The following FNDC1 variants were observed in gnomAD, a reference collection of about 807,000 sequenced individuals.
FNDC1 encodes fibronectin type III domain-containing protein 1.
In FNDC1, 96 loss-of-function variants were observed where a neutral mutation model predicts 168.0. That is an observed-to-expected ratio of 0.57 (90% CI 0.48 to 0.68). FNDC1 has a LOEUF of 0.68. Ranked by LOEUF, FNDC1 falls within the 30% of genes least tolerant of loss-of-function variation. The probability of loss-of-function intolerance (pLI) is 0.00; values close to 1 mark genes in which losing one functional copy is unlikely to be tolerated. For synonymous variants in FNDC1, 1,099 were observed against 1,025.9 expected (o/e 1.07, Z -1.36); for missense variants, 2,587 against 2,482.1 (o/e 1.04, Z -0.90).
intron 1 of FNDC1, 92 bp from the exon 2 acceptor site, chr6:159,197,339 T>A: frequency 8.4e-7 from 1 of 1,193,110 alleles, no homozygotes; most frequent in South Asian, 1.5e-5. Flanking sequence ...AAACGTCATT[T>A]ACTGTTTTCC....
chr6:159,221,744 G>A, intron 6 of FNDC1, 48 bp downstream of exon 6: 1 of 1,364,870 alleles, frequency 7.3e-7, no homozygotes, highest in South Asian at 1.2e-5. Flanking sequence ...TGGTATGAAT[G>A]CTATGTTGTT....
chr6:159,209,464 C>A (rs1782552570), intron 4 of FNDC1, among the ~76,000 whole-genome samples: 1 of 152,208 alleles, frequency 6.6e-6, no homozygotes, highest in Non-Finnish European at 1.5e-5. Context: ...CGCTTGGGGG[C>A]ACAGATGCTG....
intron 19 of FNDC1, 114 bp downstream of exon 19, chr6:159,261,383 G>T (rs890407765): frequency 1.4e-6 from 1 of 692,926 alleles, no homozygotes; most frequent in Non-Finnish European, 2.4e-6. Flanking sequence ...ATGAGCTCAT[G>T]TTGGATATCA....
At chr6:159,237,878 T>C (rs1783300581) in intron 12 of FNDC1, among the ~76,000 whole-genome samples, 2 of 152,258 alleles carry the variant, frequency 1.3e-5, no homozygotes, top group African/African-American at 4.8e-5. Flanking sequence ...GTAGAACGTA[T>C]GTAGAATTGT....
chr6:159,221,508 A>G (rs981085257), intron 5 of FNDC1, 90 bp from the exon 6 acceptor site: 4 of 957,460 alleles, frequency 4.2e-6, no homozygotes, highest in African/African-American at 1.6e-5. Flanking sequence ...GAAGGGGAGG[A>G]GGAATGCAGA....
chr6:159,187,261 T>C (rs1461702168), intron 1 of FNDC1, among the ~76,000 whole-genome samples: 1 of 152,162 alleles, frequency 6.6e-6, no homozygotes, highest in Non-Finnish European at 1.5e-5. Flanking sequence ...GAACCAGGGA[T>C]AGTCTGTAGG....
At chr6:159,228,849 T>C (rs1331672519) in intron 9 of FNDC1, among the ~76,000 whole-genome samples, 1 of 152,080 alleles carries the variant, frequency 6.6e-6, no homozygotes, top group Non-Finnish European at 1.5e-5. Flanking sequence ...CTAATTTTTG[T>C]ATTTTAATAG....
At chr6:159,218,401 G>A (rs1782748130) in intron 5 of FNDC1, 1 of 152,230 alleles carries the variant, frequency 6.6e-6, no homozygotes, top group Non-Finnish European at 1.5e-5. Context: ...TACCGTGAAT[G>A]ATGTAAGAGA....
At chr6:159,247,742 CA>C (rs56665061) in intron 15 of FNDC1, among the ~76,000 whole-genome samples, 13,030 of 151,496 alleles carry the variant, frequency 0.086, 1,042 homozygotes, top group East Asian at 0.33. Flanking sequence ...CCATTTCAAA[CA>C]AAAAAAACAC....
At chr6:159,263,596 A>G (rs1332332331) in intron 19 of FNDC1, among the ~76,000 whole-genome samples, 1 of 152,014 alleles carries the variant, frequency 6.6e-6, no homozygotes, top group Non-Finnish European at 1.5e-5. Flanking sequence ...TCCTGTCTGT[A>G]CTAAAAATAC....
At chr6:159,241,361 C>T (rs1783416541) in intron 14 of FNDC1, among the ~76,000 whole-genome samples, 1 of 152,090 alleles carries the variant, frequency 6.6e-6, no homozygotes, top group African/African-American at 2.4e-5. Flanking sequence ...TTATTTAGGC[C>T]TTCCAACATG....
At chr6:159,207,101 A>ACC (rs984753129) in intron 4 of FNDC1, among the ~76,000 whole-genome samples, 1 of 151,854 alleles carries the variant, frequency 6.6e-6, no homozygotes, top group Non-Finnish European at 1.5e-5. Flanking sequence ...CCCTGCTGGC[A>ACC]CCCCCCCACC....
chr6:159,250,766 A>G (rs2115014625), intron 16 of FNDC1, among the ~76,000 whole-genome samples: 2 of 152,366 alleles, frequency 1.3e-5, no homozygotes, highest in East Asian at 3.9e-4. Context: ...TGTTGTAGAC[A>G]GTAGTTCAGG....
At position 159,225,516 on chromosome 6, in the gene FNDC1, G is replaced by C; in HGVS notation, c.885-19G>C. The stretch of plus-strand genomic sequence containing the variant: ...TGGCAGAGAATTTGGACAGATCATT[G>C]TGTTGTGTTTTCTTACAGACAGTAC... On this transcript the variant is annotated intron_variant, in intron 7 of 22. Transcript: ENST00000297267. 6.3e-7 allele frequency: 1 copy of C among 1,587,022 alleles called. No individual in the cohort carries two copies. The highest frequency in any genetic ancestry group is 8.6e-7 in the Non-Finnish European group (1 of 1,160,680).
Position 159,169,748 on chromosome 6 carries a change from C to T in FNDC1, c.109+43C>T, listed in dbSNP as rs1781609934. On this transcript the variant is annotated intron_variant, in intron 1 of 22. Coordinates refer to ENST00000297267, the MANE Select transcript of FNDC1 (RefSeq NM_032532.3). The surrounding 1 kb of genome is among the most constrained non-coding windows in gnomAD (Gnocchi z 6.8). ...GCCCCCGGCGCTCCTCAGCTCCCCG[C>T]GCACCCTCCTGCGCTCGGGCCCCGT... The T allele has an allele frequency of 3.7e-6, 3 of 817,144 alleles. No individual in the cohort carries two copies. The highest frequency in any genetic ancestry group is 4.7e-6 in the Non-Finnish European group (3 of 634,612). The allele number at this position is 817,144 out of a possible 1,614,324, so 50.6% of individuals were successfully genotyped here. A position where few individuals can be genotyped will look rare whatever the true frequency, so the allele number is the denominator to read the frequency against.
At position 159,232,654 on chromosome 6, in the gene FNDC1, C is replaced by T. The variant is rs764924046; in HGVS notation, c.2142C>T (p.Ala714=). ...GAAEEDSSAS[A]PPSRLSPPHG... is the part of the protein sequence containing the mutation. ...CAGAGGAAGATTCCAGTGCCTCAGCCCCACCCTCAAGACTTTCTCCACCCC... is the reference window on the plus strand; with the variant it reads ...CAGAGGAAGATTCCAGTGCCTCAGCTCCACCCTCAAGACTTTCTCCACCCC... The change falls in exon 11 of 23, where the codon GCC becomes GCT. Residue 714 remains alanine, a synonymous_variant. Transcript: ENST00000297267. This position sits in a 1 kb window ranked among gnomAD's most constrained non-coding sequence, Gnocchi z 4.9. 2 of 1,613,206 alleles carry T rather than the reference C, an allele frequency of 1.2e-6. No individual in the cohort carries two copies. Among genetic ancestry groups the T allele is most frequent in the Admixed American group, 1.7e-5 (1 of 59,960 alleles).
rs1308974754 is a variant in FNDC1 at position 159,246,862 on chromosome 6, G to T, written c.4622-39G>T. On this transcript the variant is annotated intron_variant, in intron 14 of 22. Transcript: ENST00000297267. ...TGCTTCTGAGAGAACCCTGGAGAAG[G>T]AGCGCTGGATGACTGGTCCTTTTCT... is the stretch of plus-strand genomic sequence containing the variant. The T allele has an allele frequency of 6.2e-6, 9 of 1,440,172 alleles. No individual in the cohort carries two copies. In the East Asian group the frequency reaches 1.8e-4, roughly 29 times the overall value. The allele number at this position is 1,440,172 out of a possible 1,614,324, so 89.2% of individuals were successfully genotyped here.
Position 159,234,278 on chromosome 6 carries a change from C to T in FNDC1, c.3766C>T (p.His1256Tyr). The change falls in exon 11 of 23, where the codon CAC (histidine) becomes TAC (tyrosine). Residue 1256 changes from histidine to tyrosine, a missense_variant. Physicochemically the swap from His to Tyr is moderately conservative, Grantham distance 83. Transcript: ENST00000297267. ...PPPGSSPRAS[H>Y]VPSRLPPRSA... ...TCCAGGCAGCTCCCCCAGGGCCTCC[C>T]ACGTCCCTTCCCGACTGCCGCCTCG... is the stretch of plus-strand genomic sequence containing the variant. 6.3e-7 allele frequency: 1 copy of T among 1,598,402 alleles called. No homozygotes were observed. Among genetic ancestry groups the T allele is most frequent in the Non-Finnish European group, 8.5e-7 (1 of 1,172,612 alleles).
At chr6:159,181,283 G>A (rs1781872617) in intron 1 of FNDC1, among the ~76,000 whole-genome samples, 1 of 152,168 alleles carries the variant, frequency 6.6e-6, no homozygotes, top group Admixed American at 6.5e-5. Flanking sequence ...CTAGCACTGG[G>A]CCACAGCTCA....
Sources: gnomAD v4.1 joint callset for allele counts (sites outside exome capture counted in the v4.1 genomes callset) on GRCh38, gnomAD v4.1.1 for gene constraint, Gnocchi (gnomAD v3.1) non-coding constraint, MANE v1.5 for transcripts, NCBI Gene and HGNC (gene_info 2026-07-23, HGNC 2026-07-21) for gene names.